DPYS: variants seen among roughly 807,000 people sequenced by gnomAD.
The protein encoded by DPYS is dihydropyrimidinase, also known as dihydropyrimidine amidohydrolase.
Under a neutral mutation model 50.3 loss-of-function variants are expected in DPYS, and 39 were observed. That is an observed-to-expected ratio of 0.78 (90% CI 0.60 to 1.01). The LOEUF (loss-of-function observed/expected upper bound fraction) is 1.01, where lower values mean the gene tolerates loss of function less well. DPYS is among the 50% of genes least tolerant of loss of function. The probability of loss-of-function intolerance (pLI) is 0.00; values close to 1 mark genes in which losing one functional copy is unlikely to be tolerated. For missense variants in DPYS, 659 were observed against 680.9 expected (o/e 0.97, Z 0.36); for synonymous variants, 245 against 250.7 (o/e 0.98, Z 0.22).
intron 7 of DPYS, among the ~76,000 whole-genome samples, chr8:104,423,652 G>A (rs61420763): frequency 1.9e-3 from 295 of 152,238 alleles, no homozygotes; most frequent in African/African-American, 6.5e-3. Flanking sequence ...CTGTACTAAC[G>A]TCCTATAAGG....
At chr8:104,453,129 C>T (rs1043790703) in intron 1 of DPYS, among the ~76,000 whole-genome samples, 2 of 152,138 alleles carry the variant, frequency 1.3e-5, no homozygotes, top group Non-Finnish European at 2.9e-5. Flanking sequence ...TTCTTGCTTA[C>T]TTCAATAGAT....
chr8:104,386,642 T>A (rs916810492), intron 8 of DPYS, among the ~76,000 whole-genome samples: 1 of 151,988 alleles, frequency 6.6e-6, no homozygotes, highest in Non-Finnish European at 1.5e-5. Context: ...TTATTTATTT[T>A]TTTGAGACAG....
intron 7 of DPYS, among the ~76,000 whole-genome samples, chr8:104,404,050 A>C (rs1394293134): frequency 6.6e-6 from 1 of 152,234 alleles, no homozygotes; most frequent in Non-Finnish European, 1.5e-5. Context: ...AATAGGCATA[A>C]CAAATATTTA....
chr8:104,392,047 ATGG>A (rs1349544861), intron 8 of DPYS, among the ~76,000 whole-genome samples: 3 of 152,248 alleles, frequency 2.0e-5, no homozygotes, highest in Admixed American at 2.0e-4. Context: ...CAGCTAGGAA[ATGG>A]TGGCGAGGGC....
At chr8:104,436,632 A>T (rs552940158) in intron 4 of DPYS, among the ~76,000 whole-genome samples, 21 of 152,170 alleles carry the variant, frequency 1.4e-4, no homozygotes, top group South Asian at 8.3e-4. Context: ...GAAAAATTGA[A>T]CTAGAAAGAA....
At chr8:104,432,370 T>C (rs1342534169) in intron 4 of DPYS, among the ~76,000 whole-genome samples, 2 of 152,128 alleles carry the variant, frequency 1.3e-5, no homozygotes, top group Non-Finnish European at 2.9e-5. Flanking sequence ...TAGATGACGG[T>C]GATAGAGCAG....
chr8:104,427,282 A>ATT (rs577311570), intron 6 of DPYS, among the ~76,000 whole-genome samples: 2 of 142,052 alleles, frequency 1.4e-5, no homozygotes, highest in Admixed American at 7.1e-5. Flanking sequence ...CGCTTCGTGT[A>ATT]TTTTTTTTTT....
At chr8:104,386,588 G>GTGCTGGGA (rs1381804894) in intron 8 of DPYS, among the ~76,000 whole-genome samples, 1 of 149,942 alleles carries the variant, frequency 6.7e-6, no homozygotes, top group Non-Finnish European at 1.5e-5. Context: ...AGGATGGAAT[G>GTGCTGGGA]TGCTGGGATG....
At chr8:104,411,488 A>G (rs1211343612) in intron 7 of DPYS, among the ~76,000 whole-genome samples, 2 of 152,210 alleles carry the variant, frequency 1.3e-5, no homozygotes, top group African/African-American at 4.8e-5. Context: ...AAAGGGCACA[A>G]TCATAGCACA....
intron 7 of DPYS, among the ~76,000 whole-genome samples, chr8:104,399,718 A>T (rs1163706853): frequency 1.3e-5 from 2 of 151,542 alleles, no homozygotes; most frequent in Non-Finnish European, 2.9e-5. Context: ...AAATACAAAA[A>T]ATTAGCCAGG....
chr8:104,417,659 T>C (rs1812412436), intron 7 of DPYS, among the ~76,000 whole-genome samples: 1 of 152,200 alleles, frequency 6.6e-6, no homozygotes, highest in Admixed American at 6.5e-5. Context: ...CAATGAGCTG[T>C]CAGGCTGAAT....
chr8:104,459,596 G>T (rs767720571), intron 1 of DPYS, among the ~76,000 whole-genome samples: 2 of 152,154 alleles, frequency 1.3e-5, no homozygotes, highest in Non-Finnish European at 2.9e-5. Flanking sequence ...TACCACTGTA[G>T]CATAAATATT....
chr8:104,399,080 C>T lies in DPYS; in HGVS notation c.1236-6089G>A, dbSNP rs1311603766. 3.3e-5 allele frequency among the ~76,000 whole-genome samples: 5 copies of T among 152,018 alleles called. No homozygotes were observed. The East Asian group carries it at 9.7e-4, about 30-fold the overall frequency. On this transcript the variant is annotated intron_variant, in intron 7 of 9. Transcript: ENST00000351513. ...CTGAGGCGGGCAGATCACTTGAGGT[C>T]AGGAGTTCGAGACCAGCCTGGCCAA... is the stretch of plus-strand genomic sequence containing the variant.
At chr8:104,399,214 C>G (rs1811695724) in intron 7 of DPYS, among the ~76,000 whole-genome samples, 1 of 147,440 alleles carries the variant, frequency 6.8e-6, no homozygotes, top group African/African-American at 2.5e-5. Flanking sequence ...TCAGTTGAAC[C>G]TGGGGGGTGG....
intron 1 of DPYS, among the ~76,000 whole-genome samples, chr8:104,458,441 C>T (rs560436901): frequency 6.6e-6 from 1 of 152,334 alleles, no homozygotes; most frequent in Non-Finnish European, 1.5e-5. Flanking sequence ...CCCTCCTCTA[C>T]CCATTCCTGT....
chr8:104,465,276 AG>A (rs1814322666), intron 1 of DPYS, among the ~76,000 whole-genome samples: 1 of 70,158 alleles, frequency 1.4e-5, no homozygotes, highest in East Asian at 3.7e-4. Flanking sequence ...AGAGGGGTGG[AG>A]GGGGTAGTGG....
chr8:104,415,270 C>T (rs1388925839), intron 7 of DPYS, among the ~76,000 whole-genome samples: 1 of 152,180 alleles, frequency 6.6e-6, no homozygotes, highest in Non-Finnish European at 1.5e-5. Context: ...AAGCCTATGC[C>T]TTTCACACAG....
chr8:104,458,076 G>T (rs1210617126), intron 1 of DPYS, among the ~76,000 whole-genome samples: 1 of 152,130 alleles, frequency 6.6e-6, no homozygotes, highest in Non-Finnish European at 1.5e-5. Context: ...CATAAAGAGG[G>T]TGTGTTAATG....
At chr8:104,450,340 A>T (rs970351069) in intron 2 of DPYS, among the ~76,000 whole-genome samples, 50 of 152,086 alleles carry the variant, frequency 3.3e-4, no homozygotes, top group African/African-American at 1.2e-3. Flanking sequence ...CCTGTTAAAG[A>T]TTGATTATTT....
Sources: gnomAD v4.1 joint callset for allele counts (sites outside exome capture counted in the v4.1 genomes callset) on GRCh38, gnomAD v4.1.1 for gene constraint, MANE v1.5 for transcripts, NCBI Gene and HGNC (gene_info 2026-07-23, HGNC 2026-07-21) for gene names.